The following PRRC2C variants were observed in gnomAD, a reference collection of about 807,000 sequenced individuals.
The protein encoded by PRRC2C is proline rich coiled-coil 2C.
A neutral mutation model predicts 317.2 loss-of-function variants in PRRC2C; 72 were observed. The observed-to-expected ratio is 0.23, with a 90% CI of 0.19 to 0.28. The LOEUF is 0.28. Among genes scored for constraint, PRRC2C ranks in the 10% least tolerant of loss-of-function variants. PRRC2C has a pLI of 1.00. For missense variants in PRRC2C, 3,074 were observed against 3,459.7 expected (o/e 0.89, Z 2.80); for synonymous variants, 1,296 against 1,205.9 (o/e 1.07, Z -1.55).
At position 171,584,312 on chromosome 1, in the gene PRRC2C, A is replaced by G. The variant is rs1649360513; in HGVS notation, c.7642-107A>G. ...TGAAAAAAACAAAGTCCTTTCATTT[A>G]TCTAATACTAAAAATTGCTAGACAT... On this transcript the variant is annotated intron_variant, in intron 29 of 34. Coordinates refer to ENST00000647382, the MANE Select transcript of PRRC2C (RefSeq NM_001387844.1). The G allele has an allele frequency of 4.5e-6, 6 of 1,346,316 alleles. No individual in the cohort carries two copies. The South Asian group carries it at 5.6e-5, about 13-fold the overall frequency. The allele number at this position is 1,346,316 out of a possible 1,614,324, so 83.4% of individuals were successfully genotyped here.
In PRRC2C at chr1:171,591,770, C is replaced by T. The variant is rs899657050; in HGVS notation, c.8620C>T (p.Pro2874Ser). The change falls in exon 35 of 35, where the codon CCC becomes TCC. Residue 2874 changes from proline to serine, a missense_variant. Physicochemically the swap from Pro to Ser is moderately conservative, Grantham distance 74. Transcript: ENST00000647382. ...EKVEEKPPPAPSIATKPVRTG... is the reference protein window; with the variant it reads ...EKVEEKPPPASSIATKPVRTG... Reference sequence around the variant, plus strand: ...AGTAGAAGAAAAGCCACCCCCTGCACCCTCCATAGCCACCAAACCTGTTAG... The same window carrying T: ...AGTAGAAGAAAAGCCACCCCCTGCATCCTCCATAGCCACCAAACCTGTTAG... The T allele has an allele frequency of 2.5e-6, 4 of 1,613,208 alleles. No homozygotes were observed. The Admixed American group carries it at 5.0e-5, about 20-fold the overall frequency.
chr1:171,504,677 C>G (rs1669839509), intron 1 of PRRC2C, among the ~76,000 whole-genome samples: 1 of 152,004 alleles, frequency 6.6e-6, no homozygotes, highest in South Asian at 2.1e-4. Flanking sequence ...TGCCTTAAGT[C>G]TTGAAAGCAA....
At chr1:171,573,016 A>T (rs1195265231) in intron 24 of PRRC2C, among the ~76,000 whole-genome samples, 1 of 152,244 alleles carries the variant, frequency 6.6e-6, no homozygotes, top group Non-Finnish European at 1.5e-5. Flanking sequence ...CAGTGGGTTC[A>T]TGAAAACTGC....
chr1:171,517,118 C>T (rs1672522080), intron 5 of PRRC2C, among the ~76,000 whole-genome samples: 1 of 152,208 alleles, frequency 6.6e-6, no homozygotes, highest in Non-Finnish European at 1.5e-5. Context: ...AGTGTAATTA[C>T]ACCAGATAAT....
At chr1:171,563,929 A>T (rs1035260490) in intron 20 of PRRC2C, among the ~76,000 whole-genome samples, 1 of 152,218 alleles carries the variant, frequency 6.6e-6, no homozygotes, top group Non-Finnish European at 1.5e-5. Flanking sequence ...ACAAGTTTAC[A>T]GTGATAAATG....
rs1382558370 is a variant in PRRC2C at position 171,577,583 on chromosome 1, C to G, written c.7105C>G (p.Leu2369Val). 1 of 1,613,852 alleles carries G rather than the reference C, an allele frequency of 6.2e-7. No individual in the cohort carries two copies. The highest frequency in any genetic ancestry group is 2.2e-5 in the East Asian group (1 of 44,876). The stretch of plus-strand genomic sequence containing the variant: ...TTCACAGTTAAGCTGTATGCCTTCC[C>G]TTATTGCCCAGCAGCAACAGAATCC... ...HFSQLSCMPS[L>V]IAQQQQNPQV... The change falls in exon 26 of 35, where the codon CTT becomes GTT. Residue 2369 changes from leucine to valine, a missense_variant. Physicochemically the swap from Leu to Val is conservative, Grantham distance 32. Around this residue, in one of 11 missense-constraint regions of PRRC2C, gnomAD observed 490 missense variants for 663.1 expected, o/e 0.74. Coordinates refer to ENST00000647382, the MANE Select transcript of PRRC2C (RefSeq NM_001387844.1).
In PRRC2C at chr1:171,584,029, T is replaced by G; in HGVS notation, c.7483T>G (p.Phe2495Val). Residue 2495 changes from phenylalanine to valine, a missense_variant, in exon 29 of 35, where the codon TTT (phenylalanine) becomes GTT (valine). Physicochemically the swap from Phe to Val is conservative, Grantham distance 50. This residue lies in a region of PRRC2C where 490 missense variants were observed against 663.1 expected (regional missense o/e 0.74). Coordinates refer to ENST00000647382, the MANE Select transcript of PRRC2C (RefSeq NM_001387844.1). ...CCTTTCTGGTACTGCTATTCACAACTTTCCAACTGTCCAACACCAAGAACT... is the reference window on the plus strand; with the variant it reads ...CCTTTCTGGTACTGCTATTCACAACGTTCCAACTGTCCAACACCAAGAACT... Reference protein sequence around the residue: ...VVLSGTAIHNFPTVQHQELAK... With the variant: ...VVLSGTAIHNVPTVQHQELAK... 2 of 1,614,028 alleles carry G rather than the reference T, an allele frequency of 1.2e-6. No homozygotes were observed. The highest frequency in any genetic ancestry group is 1.7e-6 in the Non-Finnish European group (2 of 1,179,874).
intron 19 of PRRC2C, among the ~76,000 whole-genome samples, chr1:171,560,389 A>G (rs1682429663): frequency 1.3e-5 from 1 of 79,736 alleles, no homozygotes; most frequent in African/African-American, 4.5e-5. Context: ...TTAGTTGATT[A>G]AACAATGGGA....
chr1:171,555,609 C>T (rs2102624169), intron 18 of PRRC2C, among the ~76,000 whole-genome samples: 1 of 152,242 alleles, frequency 6.6e-6, no homozygotes, highest in Middle Eastern at 3.4e-3. Flanking sequence ...GTTTTATTTA[C>T]CTTTGGTCTT....
chr1:171,486,129 T>A (rs1376800674), intron 1 of PRRC2C, among the ~76,000 whole-genome samples: 3 of 117,968 alleles, frequency 2.5e-5, no homozygotes, highest in Non-Finnish European at 3.8e-5. Flanking sequence ...TTTTTTTTTT[T>A]AGTGTCGGGT....
At position 171,566,753 on chromosome 1, in the gene PRRC2C, G is replaced by C. The variant is rs775348017; in HGVS notation, c.6468G>C (p.Thr2156=). Residue 2156 remains threonine, a synonymous_variant, in exon 22 of 35, where the codon ACG becomes ACC. Transcript: ENST00000647382. ...PATVRSTDPV[T]TKETKAVSEM... ...CAGTCAGAAGCACAGATCCTGTCAC[G>C]ACAAAGGAGACTAAAGCAGTCTCAG... 4.3e-6 allele frequency: 7 copies of C among 1,613,626 alleles called. No individual in the cohort carries two copies. In the Admixed American group the frequency reaches 1.0e-4, roughly 23 times the overall value.
chr1:171,581,113 C>A (rs1365585829), intron 28 of PRRC2C, among the ~76,000 whole-genome samples: 1 of 152,160 alleles, frequency 6.6e-6, no homozygotes, highest in African/African-American at 2.4e-5. Context: ...TGTATCATTA[C>A]TTATATAGCT....
rs771605935 is a variant in PRRC2C at position 171,523,315 on chromosome 1, T to C, written c.928T>C (p.Phe310Leu). The C allele has an allele frequency of 1.4e-5, 23 of 1,613,954 alleles. No homozygotes were observed. The highest frequency in any genetic ancestry group is 1.8e-5 in the Non-Finnish European group (21 of 1,179,864). ...SASELKELDKFDNLDAEADEG... is the reference protein window; with the variant it reads ...SASELKELDKLDNLDAEADEG... ...ATCAGAACTGAAGGAGCTTGATAAA[T>C]TTGATAACCTAGATGCTGAAGCTGA... Residue 310 changes from phenylalanine to leucine, a missense_variant, in exon 8 of 35, where the codon TTT becomes CTT. Transcript: ENST00000647382.
At chr1:171,566,482 A>G (rs746602087) in intron 21 of PRRC2C, 61 bp downstream of exon 21, 12 of 1,490,136 alleles carry the variant, frequency 8.1e-6, no homozygotes, top group Non-Finnish European at 1.1e-5. Context: ...AAGAGCAAAT[A>G]ATACTTTTAA....
chr1:171,532,398 A>C lies in PRRC2C; in HGVS notation c.1310A>C (p.Lys437Thr). 1 of 1,613,964 alleles carries C rather than the reference A, an allele frequency of 6.2e-7. No individual in the cohort carries two copies. ...GGAAGACCAGGCCCCTTTCCCTCCA[A>C]GCAGCAAGTAGCTGATGAAGATGAA... ...VPGRPGPFPS[K>T]QQVADEDEIW... is the part of the protein sequence containing the mutation. Residue 437 changes from lysine to threonine, a missense_variant, in exon 12 of 35, where the codon AAG becomes ACG. By Grantham distance (78) the Lys-to-Thr change is moderately conservative. Around this residue, in one of 11 missense-constraint regions of PRRC2C, gnomAD observed 1,320 missense variants for 1,395.7 expected, o/e 0.95. Coordinates refer to ENST00000647382, the MANE Select transcript of PRRC2C (RefSeq NM_001387844.1).
intron 11 of PRRC2C, among the ~76,000 whole-genome samples, chr1:171,529,398 C>T (rs1675359290): frequency 6.6e-6 from 1 of 152,178 alleles, no homozygotes; most frequent in South Asian, 2.1e-4. Context: ...ATAACACACA[C>T]CCCCACCTTT....
intron 18 of PRRC2C, among the ~76,000 whole-genome samples, chr1:171,552,323 A>C (rs1327172714): frequency 6.6e-6 from 1 of 152,174 alleles, no homozygotes; most frequent in African/African-American, 2.4e-5. Context: ...ATATTCTGAG[A>C]CTTTGCTGAA....
At chr1:171,549,362 G>T (rs1428994611) in intron 17 of PRRC2C, among the ~76,000 whole-genome samples, 1 of 152,098 alleles carries the variant, frequency 6.6e-6, no homozygotes, top group Non-Finnish European at 1.5e-5. Flanking sequence ...TTGAAAAGGA[G>T]AAATAATAGT....
intron 5 of PRRC2C, among the ~76,000 whole-genome samples, chr1:171,516,285 A>C (rs1672348524): frequency 6.6e-6 from 1 of 152,234 alleles, no homozygotes; most frequent in African/African-American, 2.4e-5. Context: ...GTTTATGTAC[A>C]TTACAAAGCA....
Sources: gnomAD v4.1 joint callset for allele counts (sites outside exome capture counted in the v4.1 genomes callset) on GRCh38, gnomAD v4.1.1 for gene constraint, gnomAD v4.1.1 regional missense constraint, MANE v1.5 for transcripts, NCBI Gene and HGNC (gene_info 2026-07-23, HGNC 2026-07-21) for gene names.